ARID3A: variants seen among roughly 807,000 people sequenced by gnomAD.
ARID3A encodes AT-rich interactive domain-containing protein 3A.
Under a neutral mutation model 52.7 loss-of-function variants are expected in ARID3A, and 11 were observed. The observed-to-expected ratio is 0.21, with a 90% CI of 0.13 to 0.35. The LOEUF is 0.35. ARID3A is among the 10% of genes least tolerant of loss of function. The pLI is 1.00. For missense variants in ARID3A, 721 were observed against 838.5 expected, an observed-to-expected ratio of 0.86 and a Z score of 1.73; for synonymous variants, 404 against 359.4, an observed-to-expected ratio of 1.12 and a Z score of -1.40.
intron 8 of ARID3A, among the ~76,000 whole-genome samples, chr19:970,389 G>A (rs868583260): frequency 6.6e-6 from 1 of 151,858 alleles, no homozygotes; most frequent in Non-Finnish European, 1.5e-5. Flanking sequence ...GCCCACGCCT[G>A]TAATCCCAAC....
At chr19:940,169 CTG>C (rs1162949034) in intron 3 of ARID3A, among the ~76,000 whole-genome samples, 1 of 152,132 alleles carries the variant, frequency 6.6e-6, no homozygotes, top group African/African-American at 2.4e-5. Flanking sequence ...TCTGGGATCA[CTG>C]TGACTGGAGC....
Position 966,634 on chromosome 19 carries a change from C to G in ARID3A, c.1261C>G (p.Pro421Ala). The G allele has an allele frequency of 6.2e-7, 1 of 1,602,402 alleles. No homozygotes were observed. Among genetic ancestry groups the G allele is most frequent in the Non-Finnish European group, 8.5e-7 (1 of 1,171,634 alleles). ...CCTGCCTGTGTCCCTGGCGGGCCAC[C>G]CTGTGGTGGCAGCCCAGGCAGCAGC... is the stretch of plus-strand genomic sequence containing the variant. ...GRLPVSLAGHPVVAAQAAAVQ... is the reference protein window; with the variant it reads ...GRLPVSLAGHAVVAAQAAAVQ... The change falls in exon 7 of 9, where the codon CCT (proline) becomes GCT (alanine). Residue 421 changes from proline to alanine, a missense_variant. Physicochemically the swap from Pro to Ala is conservative, Grantham distance 27 (BLOSUM62 -1). Transcript: ENST00000263620.
At chr19:931,936 G>C (rs2037337980) in intron 2 of ARID3A, among the ~76,000 whole-genome samples, 1 of 152,172 alleles carries the variant, frequency 6.6e-6, no homozygotes, top group South Asian at 2.1e-4. Context: ...TGGAGGGAAG[G>C]GGAGGTGGAG....
chr19:930,900 C>A (rs1164882465), intron 2 of ARID3A, among the ~76,000 whole-genome samples: 1 of 152,192 alleles, frequency 6.6e-6, no homozygotes, highest in Non-Finnish European at 1.5e-5. Flanking sequence ...CTGCAGCCGG[C>A]TGGACCTGCA....
In ARID3A at chr19:966,780, G is replaced by A; in HGVS notation, c.1407G>A (p.Glu469=). 1 of 1,613,650 alleles carries A rather than the reference G, an allele frequency of 6.2e-7. No individual in the cohort carries two copies. The change falls in exon 7 of 9, where the codon GAG becomes GAA. Residue 469 remains glutamate (E), a synonymous_variant. Coordinates refer to ENST00000263620, the MANE Select transcript of ARID3A (RefSeq NM_005224.3). ...PEKKMALVAD[E]QQRLMQRALQ... Reference sequence around the variant, plus strand: ...AGAAGATGGCCCTGGTGGCCGATGAGCAGCAACGGCTGATGCAACGTGCAC... The same window carrying A: ...AGAAGATGGCCCTGGTGGCCGATGAACAGCAACGGCTGATGCAACGTGCAC...
chr19:930,670 T>C (rs1052527638), intron 2 of ARID3A, among the ~76,000 whole-genome samples: 19 of 150,668 alleles, frequency 1.3e-4, no homozygotes, highest in African/African-American at 2.4e-4. Context: ...CCACCACGCC[T>C]GGCTAACTTT....
In ARID3A at chr19:973,471, G is replaced by C. The variant is rs1187811770; in HGVS notation, c.*1406G>C. ...GCTGGAAAAAGGGCCTGGGGGGCGG[G>C]GGTGGTTCTTGTCGAAGCCCCCAGG... On this transcript the variant is annotated 3_prime_UTR_variant, in exon 9 of 9. Coordinates refer to ENST00000263620, the MANE Select transcript of ARID3A (RefSeq NM_005224.3). 9.4e-6 allele frequency: 2 copies of C among 213,322 alleles called. No individual in the cohort carries two copies. The highest frequency in any genetic ancestry group is 1.9e-5 in the Non-Finnish European group (2 of 105,476). 13.2% of individuals were successfully genotyped at this position (213,322 alleles called of 1,614,324 possible).
At chr19:948,658 C>T (rs1303415847) in intron 3 of ARID3A, among the ~76,000 whole-genome samples, 1 of 151,630 alleles carries the variant, frequency 6.6e-6, no homozygotes, top group Non-Finnish European at 1.5e-5. Context: ...TCATTCCTGG[C>T]CTCTGGACTC....
At chr19:926,208 G>C (rs1345640972) in intron 1 of ARID3A, 149 bp downstream of exon 1, 4 of 151,346 alleles carry the variant, frequency 2.6e-5, no homozygotes, top group Admixed American at 6.6e-5. Flanking sequence ...GTAAGGCTGG[G>C]GAGCGCGCTG....
rs1322433826 is a variant in ARID3A, at chr19:959,880, CT to C, written c.694-211del. ...GGTTTCTGGTGCCTCCTTGCAGACC[CT>C]CTGGGAAGCTCGTTCACCGGCATTT... On this transcript the variant is annotated intron_variant, in intron 3 of 8. Transcript: ENST00000263620. The surrounding 1 kb of genome is among the most constrained non-coding windows in gnomAD (Gnocchi z 5.0). Among the ~76,000 whole-genome samples, 3 of 152,186 alleles carry C rather than the reference CT, an allele frequency of 2.0e-5. No homozygotes were observed.
rs1287861265 is a variant in ARID3A at position 938,345 on chromosome 19, T to C, written c.693+5603T>C. Among the ~76,000 whole-genome samples the C allele has an allele frequency of 1.3e-5, 2 of 152,198 alleles. No homozygotes were observed. Among genetic ancestry groups the C allele is most frequent in the Non-Finnish European group, 2.9e-5 (2 of 68,042 alleles). On this transcript the variant is annotated intron_variant, in intron 3 of 8. Coordinates refer to ENST00000263620, the MANE Select transcript of ARID3A (RefSeq NM_005224.3). The surrounding 1 kb of genome is among the most constrained non-coding windows in gnomAD (Gnocchi z 4.0). ...TGCTTCACTGCGTGAAGAAAGTGAC[T>C]GAGTGTTTTAGATGGGTCGTCTCCC...
intron 1 of ARID3A, among the ~76,000 whole-genome samples, 170 bp downstream of exon 1, chr19:926,229 G>C (rs897111040): frequency 2.6e-5 from 4 of 151,678 alleles, no homozygotes; most frequent in Non-Finnish European, 5.9e-5. Flanking sequence ...GCCGTTCCCA[G>C]CGCGGGTTCC....
At chr19:934,747 G>T (rs556337867) in intron 3 of ARID3A, among the ~76,000 whole-genome samples, 180 of 152,168 alleles carry the variant, frequency 1.2e-3, no homozygotes, top group Middle Eastern at 3.4e-3. Flanking sequence ...CAGCGGGGGT[G>T]GGGGGAGGCC....
intron 3 of ARID3A, among the ~76,000 whole-genome samples, chr19:933,554 G>A (rs1030090806): frequency 6.6e-6 from 1 of 152,172 alleles, no homozygotes; most frequent in Non-Finnish European, 1.5e-5. Flanking sequence ...GGCTCCCGCA[G>A]GGAGGTGGAT....
rs1315996093 is a variant in ARID3A at position 973,077 on chromosome 19, C to T, written c.*1012C>T. On this transcript the variant is annotated 3_prime_UTR_variant, in exon 9 of 9. Coordinates refer to ENST00000263620, the MANE Select transcript of ARID3A (RefSeq NM_005224.3). The stretch of plus-strand genomic sequence containing the variant: ...CTTTTGCTTGTGCCGTGCTTGTCTG[C>T]TGGGCTCTCGAGTCAGGGGCCTGGA... 50 of 154,972 alleles carry T rather than the reference C, an allele frequency of 3.2e-4. No homozygotes were observed. The highest frequency in any genetic ancestry group is 1.4e-3 in the African/African-American group (50 of 36,972). 9.6% of individuals were successfully genotyped at this position (154,972 alleles called of 1,614,324 possible).
In ARID3A at chr19:953,633, GGCT is replaced by G. The variant is rs553636286; in HGVS notation, c.694-6457_694-6455del. Among the ~76,000 whole-genome samples, 375 of 152,366 alleles carry G rather than the reference GGCT, an allele frequency of 2.5e-3. 2 individuals are homozygous for G. The highest frequency in any genetic ancestry group is 8.4e-3 in the African/African-American group (349 of 41,584). The stretch of plus-strand genomic sequence containing the variant: ...ACCAAAGAGGAATGAAGGGGTCAGA[GGCT>G]GAGGGGGGCTGTGGAGGGGGCTCTG... On this transcript the variant is annotated intron_variant, in intron 3 of 8. Coordinates refer to ENST00000263620, the MANE Select transcript of ARID3A (RefSeq NM_005224.3).
At chr19:961,550 T>C (rs1232312671) in intron 4 of ARID3A, among the ~76,000 whole-genome samples, 1 of 152,192 alleles carries the variant, frequency 6.6e-6, no homozygotes, top group Non-Finnish European at 1.5e-5. Flanking sequence ...GGCTCCGAGC[T>C]CCTGGGTCCA....
At position 964,826 on chromosome 19, in the gene ARID3A, C is replaced by T; in HGVS notation, c.951-7C>T. ...GGTGCCATCCTCTTCCCTCGTCCCA[C>T]CCACAGATACATGAAGTACCTGTAC... On this transcript the variant is annotated splice_region_variant and splice_polypyrimidine_tract_variant and intron_variant, in intron 5 of 8. Coordinates refer to ENST00000263620, the MANE Select transcript of ARID3A (RefSeq NM_005224.3). This position sits in a 1 kb window ranked among gnomAD's most constrained non-coding sequence, Gnocchi z 5.7. The T allele has an allele frequency of 6.2e-7, 1 of 1,610,164 alleles. No homozygotes were observed. The highest frequency in any genetic ancestry group is 8.5e-7 in the Non-Finnish European group (1 of 1,176,890).
Position 947,207 on chromosome 19 carries a change from T to C in ARID3A, c.694-12885T>C, listed in dbSNP as rs528370697. On this transcript the variant is annotated intron_variant, in intron 3 of 8. Transcript: ENST00000263620. This position sits in a 1 kb window ranked among gnomAD's most constrained non-coding sequence, Gnocchi z 6.3. ...GCACCCCCTGCCGTCAGCCCAGATC[T>C]GTGTCTGTGTCTGCATCTGTGAAAC... Among the ~76,000 whole-genome samples the C allele has an allele frequency of 6.6e-6, 1 of 152,182 alleles. No individual in the cohort carries two copies. Among genetic ancestry groups the C allele is most frequent in the African/African-American group, 2.4e-5 (1 of 41,442 alleles).
Sources: gnomAD v4.1 joint callset for allele counts (sites outside exome capture counted in the v4.1 genomes callset) on GRCh38, gnomAD v4.1.1 for gene constraint, Gnocchi (gnomAD v3.1) non-coding constraint, MANE v1.5 for transcripts, NCBI Gene and HGNC (gene_info 2026-07-23, HGNC 2026-07-21) for gene names.